Variants in COL21A1 observed in about 807,000 individuals in gnomAD.
COL21A1 encodes collagen type XXI alpha 1 chain.
Under a neutral mutation model 137.9 loss-of-function variants are expected in COL21A1, and 149 were observed. That is an observed-to-expected ratio of 1.08 (90% CI 0.95 to 1.24). The LOEUF (loss-of-function observed/expected upper bound fraction) is 1.24. Among genes scored for constraint, COL21A1 ranks in the 50% most tolerant of loss-of-function variants. The probability of loss-of-function intolerance (pLI) is 0.00; values close to 1 mark genes in which losing one functional copy is unlikely to be tolerated. For synonymous variants in COL21A1, 456 were observed against 391.5 expected (o/e 1.16, Z -1.95); for missense variants, 1,167 against 1,158.4 (o/e 1.01, Z -0.11).
intron 1 of COL21A1, among the ~76,000 whole-genome samples, chr6:56,354,658 G>C (rs910532979): frequency 6.6e-6 from 1 of 152,170 alleles, no homozygotes; most frequent in Non-Finnish European, 1.5e-5. Flanking sequence ...AAAGTGGGAG[G>C]ACTACTTGAG....
In COL21A1 at chr6:56,057,644, GAGGCATC is replaced by G. The variant is rs1176483054; in HGVS notation, c.*6_*12del. On this transcript the variant is annotated 3_prime_UTR_variant, in exon 30 of 30. Transcript: ENST00000244728. ...AAGCACCATGCCTAGGCTGCTGAAT[GAGGCATC>G]AGACACTAATAGTTTGGTCCTTTTC... 3 of 1,611,446 alleles carry G rather than the reference GAGGCATC, an allele frequency of 1.9e-6. No homozygotes were observed. The highest frequency in any genetic ancestry group is 2.7e-5 in the African/African-American group (2 of 74,816).
At chr6:56,200,969 T>C (rs981494376) in intron 1 of COL21A1, among the ~76,000 whole-genome samples, 2 of 152,114 alleles carry the variant, frequency 1.3e-5, no homozygotes, top group African/African-American at 4.8e-5. Context: ...GCACCTGTTG[T>C]TTCCTGACTT....
intron 24 of COL21A1, among the ~76,000 whole-genome samples, chr6:56,063,341 G>C (rs1765972658): frequency 6.6e-6 from 1 of 152,060 alleles, no homozygotes; most frequent in South Asian, 2.1e-4. Context: ...TTTGATAAAA[G>C]GTCTGGGCTG....
intron 1 of COL21A1, among the ~76,000 whole-genome samples, chr6:56,313,209 T>C (rs1434969084): frequency 6.6e-6 from 1 of 151,930 alleles, no homozygotes; most frequent in Non-Finnish European, 1.5e-5. Flanking sequence ...TCCTCATATA[T>C]ACACTGCACA....
intron 3 of COL21A1, among the ~76,000 whole-genome samples, chr6:56,171,885 C>T (rs917186641): frequency 1.3e-5 from 2 of 151,504 alleles, no homozygotes; most frequent in Admixed American, 1.3e-4. Flanking sequence ...AAAAAATTTA[C>T]TAAAGATGAT....
At chr6:56,098,104 AAT>A (rs1266490094) in intron 17 of COL21A1, among the ~76,000 whole-genome samples, 247 of 7,560 alleles carry the variant, frequency 0.033, 25 homozygotes, top group East Asian at 0.058. Flanking sequence ...TAAATATATA[AAT>A]ATATATAAAT....
Position 56,075,474 on chromosome 6 carries a change from C to T in COL21A1, c.1911+5G>A. 4 of 1,537,938 alleles carry T rather than the reference C, an allele frequency of 2.6e-6. No homozygotes were observed. The highest frequency in any genetic ancestry group is 3.5e-6 in the Non-Finnish European group (4 of 1,141,222). On this transcript the variant is annotated splice_donor_5th_base_variant and intron_variant, in intron 19 of 29. Coordinates refer to ENST00000244728, the MANE Select transcript of COL21A1 (RefSeq NM_030820.4). ...TGATGTATGATGATAATGACATCAA[C>T]ATACAGGCATCCCTGGGGCTCCTTT...
intron 1 of COL21A1, among the ~76,000 whole-genome samples, chr6:56,333,240 G>A (rs2152343915): frequency 6.6e-6 from 1 of 152,086 alleles, no homozygotes; most frequent in African/African-American, 2.4e-5. Context: ...TCTATCACCT[G>A]CAAAAGTTTC....
chr6:56,389,503 G>A (rs2094024986), intron 1 of COL21A1, among the ~76,000 whole-genome samples: 1 of 151,586 alleles, frequency 6.6e-6, no homozygotes, highest in Admixed American at 6.6e-5. Context: ...GAGAGATACT[G>A]GGGTGGGAAG....
At chr6:56,246,417 T>C (rs1782645446) in intron 1 of COL21A1, among the ~76,000 whole-genome samples, 1 of 152,182 alleles carries the variant, frequency 6.6e-6, no homozygotes, top group Non-Finnish European at 1.5e-5. Flanking sequence ...TTAAAAATTA[T>C]TCGATGATGC....
chr6:56,286,905 T>A (rs566313695), intron 1 of COL21A1, among the ~76,000 whole-genome samples: 2 of 152,328 alleles, frequency 1.3e-5, no homozygotes, highest in South Asian at 4.1e-4. Flanking sequence ...CAAGGCAGAA[T>A]TTCAATTTTC....
chr6:56,375,611 C>T (rs554296586), intron 1 of COL21A1, among the ~76,000 whole-genome samples: 79 of 152,246 alleles, frequency 5.2e-4, no homozygotes, highest in African/African-American at 1.8e-3. Context: ...TCCCCTAAGC[C>T]CTGCCCACAC....
At chr6:56,236,898 A>G (rs1781939840) in intron 1 of COL21A1, among the ~76,000 whole-genome samples, 2 of 152,012 alleles carry the variant, frequency 1.3e-5, no homozygotes, top group African/African-American at 4.8e-5. Flanking sequence ...TGAAATATAC[A>G]GTAATGACTA....
At chr6:56,363,003 A>G (rs1022901080) in intron 1 of COL21A1, among the ~76,000 whole-genome samples, 7 of 152,286 alleles carry the variant, frequency 4.6e-5, no homozygotes, top group East Asian at 1.9e-4. Context: ...CATCAGGGCC[A>G]GGCACTACCA....
At chr6:56,112,601 G>T (rs1771528540) in intron 16 of COL21A1, among the ~76,000 whole-genome samples, 1 of 151,892 alleles carries the variant, frequency 6.6e-6, no homozygotes, top group Admixed American at 6.6e-5. Flanking sequence ...TGAAACCAGT[G>T]CTCTCCTGTT....
intron 1 of COL21A1, among the ~76,000 whole-genome samples, chr6:56,369,445 T>C (rs1193990719): frequency 6.7e-6 from 1 of 150,128 alleles, no homozygotes. Context: ...ATCAAAATAT[T>C]GATAAAAAAA....
At chr6:56,205,976 G>A (rs2152301799) in intron 1 of COL21A1, among the ~76,000 whole-genome samples, 1 of 152,300 alleles carries the variant, frequency 6.6e-6, no homozygotes, top group South Asian at 2.1e-4. Context: ...AAGAGCTCCT[G>A]AAGGAAGCAC....
At chr6:56,240,081 A>G (rs1357823479) in intron 1 of COL21A1, among the ~76,000 whole-genome samples, 1 of 151,840 alleles carries the variant, frequency 6.6e-6, no homozygotes, top group Non-Finnish European at 1.5e-5. Context: ...TCTGTCTGCC[A>G]CCAGGCAAGA....
At chr6:56,135,374 A>G (rs17219028) in intron 12 of COL21A1, among the ~76,000 whole-genome samples, 22,809 of 152,078 alleles carry the variant, frequency 0.15, 1,749 homozygotes, top group Middle Eastern at 0.22. Flanking sequence ...AAGATACCTT[A>G]CCCAACTCAC....
Sources: allele counts gnomAD v4.1 joint callset (sites outside exome capture counted in the v4.1 genomes callset), GRCh38; gene constraint gnomAD v4.1.1; transcripts MANE v1.5; gene names NCBI Gene and HGNC (gene_info 2026-07-23, HGNC 2026-07-21).